The following SNAI1 variants were observed in gnomAD, a reference collection of about 807,000 sequenced individuals.
SNAI1 encodes snail family transcriptional repressor 1, also known as zinc finger protein SNAI1.
In SNAI1, 15 loss-of-function variants were observed where a neutral mutation model predicts 24.7. That is an observed-to-expected ratio of 0.61 (90% CI 0.41 to 0.93). The LOEUF (loss-of-function observed/expected upper bound fraction) is 0.93, where lower values mean the gene tolerates loss of function less well. Among genes scored for constraint, SNAI1 ranks in the 40% least tolerant of loss-of-function variants. The probability of loss-of-function intolerance (pLI) is 0.00; values close to 1 mark genes in which losing one functional copy is unlikely to be tolerated. For missense variants in SNAI1, 283 were observed against 336.7 expected, an observed-to-expected ratio of 0.84 and a Z score of 1.25; for synonymous variants, 163 against 142.9, an observed-to-expected ratio of 1.14 and a Z score of -1.00.
Position 49,982,989 on chromosome 20 carries a change from C to G in SNAI1, c.-71C>G. ...CGGCGCTGCTGCATTCATTGCGCCG[C>G]GGCACGGCCTAGCGAGTGGTTCTTC... On this transcript the variant is annotated 5_prime_UTR_variant, in exon 1 of 3. Coordinates refer to ENST00000244050, the MANE Select transcript of SNAI1 (RefSeq NM_005985.4). 9.5e-7 allele frequency: 1 copy of G among 1,051,060 alleles called. No individual in the cohort carries two copies. Among genetic ancestry groups the G allele is most frequent in the South Asian group, 1.3e-5 (1 of 76,828 alleles). The allele number at this position is 1,051,060 out of a possible 1,614,324, so 65.1% of individuals were successfully genotyped here.
rs1390191766 is a variant in SNAI1 at position 49,983,007 on chromosome 20, G to A, written c.-53G>A. The A allele has an allele frequency of 2.2e-6, 3 of 1,361,420 alleles. No homozygotes were observed. The highest frequency in any genetic ancestry group is 1.2e-5 in the South Asian group (1 of 84,732). 84.3% of individuals were successfully genotyped at this position (1,361,420 alleles called of 1,614,324 possible). ...TGCGCCGCGGCACGGCCTAGCGAGTGGTTCTTCTGCGCTACTGCTGCGCGA... is the reference window on the plus strand; with the variant it reads ...TGCGCCGCGGCACGGCCTAGCGAGTAGTTCTTCTGCGCTACTGCTGCGCGA... On this transcript the variant is annotated 5_prime_UTR_variant, in exon 1 of 3. Coordinates refer to ENST00000244050, the MANE Select transcript of SNAI1 (RefSeq NM_005985.4).
At chr20:49,983,707 T>A in intron 1 of SNAI1, 117 bp from the exon 2 acceptor site, 1 of 1,034,644 alleles carries the variant, frequency 9.7e-7, no homozygotes, top group South Asian at 1.6e-5. Flanking sequence ...GATAATTTTT[T>A]TGATCTAATT....
At chr20:49,983,723 T>C in intron 1 of SNAI1, 101 bp from the exon 2 acceptor site, 3 of 1,174,420 alleles carry the variant, frequency 2.6e-6, no homozygotes, top group Non-Finnish European at 3.6e-6. Context: ...TAATTATGTA[T>C]TGAGAATCGG....
chr20:49,983,932 T>G lies in SNAI1; in HGVS notation c.191T>G (p.Val64Gly). ...ASLPMLIWDS[V>G]LAPQAQPIAW... Reference sequence around the variant, plus strand: ...CTGCCAATGCTCATCTGGGACTCTGTCCTGGCGCCCCAAGCCCAGCCAATT... The same window carrying G: ...CTGCCAATGCTCATCTGGGACTCTGGCCTGGCGCCCCAAGCCCAGCCAATT... Residue 64 changes from valine to glycine, a missense_variant, in exon 2 of 3, where the codon GTC becomes GGC. Coordinates refer to ENST00000244050, the MANE Select transcript of SNAI1 (RefSeq NM_005985.4). 6.2e-7 allele frequency: 1 copy of G among 1,613,522 alleles called. No individual in the cohort carries two copies. The highest frequency in any genetic ancestry group is 1.7e-5 in the Admixed American group (1 of 60,012).
rs1187053618 is a variant in SNAI1 at position 49,983,814 on chromosome 20, TCTCC to T, written c.83-6_83-3del. 1.3e-6 allele frequency: 2 copies of T among 1,566,314 alleles called. No individual in the cohort carries two copies. Among genetic ancestry groups the T allele is most frequent in the Admixed American group, 3.8e-5 (2 of 52,756 alleles). ...TTAATTAACGCCTGACTCTGCTTTT[TCTCC>T]CTCAGAGTTTACCTTCCAGCAGCCC... On this transcript the variant is annotated splice_region_variant and splice_polypyrimidine_tract_variant and intron_variant, in intron 1 of 2. Transcript: ENST00000244050.
chr20:49,984,049 C>G lies in SNAI1; in HGVS notation c.308C>G (p.Pro103Arg). The G allele has an allele frequency of 5.0e-6, 8 of 1,614,018 alleles. No homozygotes were observed. Among genetic ancestry groups the G allele is most frequent in the Non-Finnish European group, 6.8e-6 (8 of 1,179,948 alleles). The change falls in exon 2 of 3, where the codon CCC becomes CGC. Residue 103 changes from proline to arginine, a missense_variant. Transcript: ENST00000244050. ...GACAGTGGGAAAGGCTCCCAGCCCC[C>G]CAGCCCACCCTCACCGGCTCCTTCG... ...DEDSGKGSQP[P>R]SPPSPAPSSF... is the part of the protein sequence containing the mutation.
At chr20:49,985,603 A>G (rs2078331441) in intron 2 of SNAI1, among the ~76,000 whole-genome samples, 1 of 151,682 alleles carries the variant, frequency 6.6e-6, no homozygotes, top group Non-Finnish European at 1.5e-5. Context: ...ATGTAAAGGC[A>G]TGGCTGAGAC....
chr20:49,984,277 C>A lies in SNAI1; in HGVS notation c.536C>A (p.Pro179His), dbSNP rs533811343. ...ATGCACATCCGAAGCCACACGCTGC[C>A]CTGCGTCTGCGGAACCTGCGGGAAG... ...LKMHIRSHTL[P>H]CVCGTCGKAF... The change falls in exon 2 of 3, where the codon CCC becomes CAC. Residue 179 changes from proline (P) to histidine (H), a missense_variant. By Grantham distance (77) the Pro-to-His change is moderately conservative. Transcript: ENST00000244050. The A allele has an allele frequency of 6.2e-7, 1 of 1,614,078 alleles. No homozygotes were observed. The highest frequency in any genetic ancestry group is 1.7e-5 in the Admixed American group (1 of 59,992).
chr20:49,987,303 G>A (rs1204292085), intron 2 of SNAI1, among the ~76,000 whole-genome samples: 1 of 152,184 alleles, frequency 6.6e-6, no homozygotes, highest in Non-Finnish European at 1.5e-5. Flanking sequence ...GCTGACTCTG[G>A]CTTTGGCCCC....
chr20:49,983,192 G>A (rs755386519), intron 1 of SNAI1, 51 bp downstream of exon 1: 5 of 1,392,854 alleles, frequency 3.6e-6, no homozygotes, highest in Non-Finnish European at 5.1e-6. Context: ...GACAGGCGAA[G>A]GCTGCGTGGG....
Position 49,984,074 on chromosome 20 carries a change from G to A in SNAI1, c.333G>A (p.Ser111=), listed in dbSNP as rs140920547. ...QPPSPPSPAP[S]SFSSTSVSSL... ...CCAGCCCACCCTCACCGGCTCCTTC[G>A]TCCTTCTCCTCTACTTCAGTCTCTT... is the stretch of plus-strand genomic sequence containing the variant. Residue 111 remains serine (S), a synonymous_variant, in exon 2 of 3, where the codon TCG becomes TCA. Transcript: ENST00000244050. The A allele has an allele frequency of 2.5e-5, 41 of 1,614,030 alleles. No individual in the cohort carries two copies. Among genetic ancestry groups the A allele is most frequent in the Non-Finnish European group, 3.3e-5 (39 of 1,180,034 alleles).
intron 2 of SNAI1, among the ~76,000 whole-genome samples, chr20:49,985,540 A>G (rs969960501): frequency 4.6e-5 from 7 of 152,200 alleles, no homozygotes; most frequent in African/African-American, 1.7e-4. Flanking sequence ...TGAACCCCTC[A>G]GGGTGCTGCA....
Position 49,983,906 on chromosome 20 carries a change from G to A in SNAI1, c.165G>A (p.Ser55=), listed in dbSNP as rs141611392. 64 of 1,613,032 alleles carry A rather than the reference G, an allele frequency of 4.0e-5. No homozygotes were observed. The highest frequency in any genetic ancestry group is 1.6e-4 in the Middle Eastern group (1 of 6,078). The change falls in exon 2 of 3, where the codon TCG becomes TCA. Residue 55 remains serine, a synonymous_variant. Coordinates refer to ENST00000244050, the MANE Select transcript of SNAI1 (RefSeq NM_005985.4). The part of the protein sequence containing the change: ...PPPEILNPTA[S]LPMLIWDSVL... ...CGGAGATCCTCAACCCCACCGCCTC[G>A]CTGCCAATGCTCATCTGGGACTCTG... is the stretch of plus-strand genomic sequence containing the variant.
rs1010938004 is a variant in SNAI1 at position 49,986,568 on chromosome 20, A to G, written c.611-1304A>G. Among the ~76,000 whole-genome samples the G allele has an allele frequency of 1.1e-4, 17 of 152,228 alleles. 1 individual carries two copies. The highest frequency in any genetic ancestry group is 2.1e-4 in the South Asian group (1 of 4,824). Reference sequence around the variant, plus strand: ...GGGCGTGAGGGGATTGGAGAATTGCATGTTTTTTAAAAAGACTATTCAGTA... The same window carrying G: ...GGGCGTGAGGGGATTGGAGAATTGCGTGTTTTTTAAAAAGACTATTCAGTA... On this transcript the variant is annotated intron_variant, in intron 2 of 2. Transcript: ENST00000244050.
intron 2 of SNAI1, 96 bp downstream of exon 2, chr20:49,984,447 G>T: frequency 8.1e-7 from 1 of 1,236,642 alleles, no homozygotes; most frequent in East Asian, 2.6e-5. Context: ...TGGACACTGA[G>T]GCCCCGAGTC....
In SNAI1 at chr20:49,988,237, C is replaced by T; in HGVS notation, c.*181C>T. 1 of 587,632 alleles carries T rather than the reference C, an allele frequency of 1.7e-6. No homozygotes were observed. The highest frequency in any genetic ancestry group is 3.1e-5 in the East Asian group (1 of 32,240). The allele number at this position is 587,632 out of a possible 1,614,324, so 36.4% of individuals were successfully genotyped here. On this transcript the variant is annotated 3_prime_UTR_variant, in exon 3 of 3. Coordinates refer to ENST00000244050, the MANE Select transcript of SNAI1 (RefSeq NM_005985.4). ...CCATTTTCTGGTTCTGTGTCCTCTGCCTGGGCTCTGGAAGAGGCCTTCCCA... is the reference window on the plus strand; with the variant it reads ...CCATTTTCTGGTTCTGTGTCCTCTGTCTGGGCTCTGGAAGAGGCCTTCCCA...
intron 2 of SNAI1, among the ~76,000 whole-genome samples, chr20:49,987,494 G>C (rs564676900): frequency 2.0e-4 from 31 of 152,294 alleles, no homozygotes; most frequent in Non-Finnish European, 3.7e-4. Flanking sequence ...GACCACAGTA[G>C]GATCAAGTGA....
Position 49,988,522 on chromosome 20 carries a change from A to G in SNAI1, c.*466A>G, listed in dbSNP as rs2078341756. 6.5e-6 allele frequency: 1 copy of G among 154,054 alleles called. No individual in the cohort carries two copies. Among genetic ancestry groups the G allele is most frequent in the African/African-American group, 2.4e-5 (1 of 41,472 alleles). 9.5% of individuals were successfully genotyped at this position (154,054 alleles called of 1,614,324 possible). A position where few individuals can be genotyped will look rare whatever the true frequency, so the allele number is the denominator to read the frequency against. ...TATGCAATAATCCACCCCCAGGTGCAGCCCCAGGGCCTGCGGAGGCGGTGG... is the reference window on the plus strand; with the variant it reads ...TATGCAATAATCCACCCCCAGGTGCGGCCCCAGGGCCTGCGGAGGCGGTGG... On this transcript the variant is annotated 3_prime_UTR_variant, in exon 3 of 3. Coordinates refer to ENST00000244050, the MANE Select transcript of SNAI1 (RefSeq NM_005985.4).
intron 2 of SNAI1, 65 bp from the exon 3 acceptor site, chr20:49,987,807 G>T (rs1192356549): frequency 3.1e-5 from 45 of 1,456,064 alleles, no homozygotes; most frequent in Non-Finnish European, 3.9e-5. Flanking sequence ...ATGCGGGGAG[G>T]GATTCCCATC....
Sources: gnomAD v4.1 joint callset for allele counts (sites outside exome capture counted in the v4.1 genomes callset) on GRCh38, gnomAD v4.1.1 for gene constraint, MANE v1.5 for transcripts, NCBI Gene and HGNC (gene_info 2026-07-23, HGNC 2026-07-21) for gene names.